PHRF1: variants seen among roughly 807,000 people sequenced by gnomAD.
The protein encoded by PHRF1 is PHD and ring finger domains 1.
A neutral mutation model predicts 128.9 loss-of-function variants in PHRF1; 53 were observed. The observed-to-expected ratio is 0.41, with a 90% CI of 0.33 to 0.52. The LOEUF (loss-of-function observed/expected upper bound fraction) is 0.52, where lower values mean the gene tolerates loss of function less well. Ranked by LOEUF, PHRF1 falls within the 20% of genes least tolerant of loss-of-function variation. PHRF1 has a pLI of 0.21. For missense variants in PHRF1, 2,503 were observed against 2,284.5 expected (o/e 1.10, Z -1.95); for synonymous variants, 1,178 against 980.6 (o/e 1.20, Z -3.76).
chr11:609,561 G>A lies in PHRF1; in HGVS notation c.4105G>A (p.Glu1369Lys), dbSNP rs1196515554. 1.4e-5 allele frequency: 22 copies of A among 1,599,726 alleles called. No individual in the cohort carries two copies. The highest frequency in any genetic ancestry group is 1.9e-5 in the Non-Finnish European group (22 of 1,175,020). ...CCCGGATGTGGCGCCTGCGGGGAAG[G>A]AAGACAGCCCCTCTGCGAGTGGGAG... ...SSPDVAPAGK[E>K]DSPSASGRVQ... Residue 1369 changes from glutamate (E) to lysine (K), a missense_variant, in exon 14 of 18, where the codon GAA becomes AAA. Glu to Lys is a moderately conservative substitution (Grantham distance 56). Coordinates refer to ENST00000264555, the MANE Select transcript of PHRF1 (RefSeq NM_001286581.2).
chr11:585,262 C>A (rs563259330), intron 3 of PHRF1, among the ~76,000 whole-genome samples: 3 of 147,400 alleles, frequency 2.0e-5, no homozygotes, highest in Admixed American at 1.3e-4. Flanking sequence ...GTAGCCCTTT[C>A]CAGCTTGAGG....
intron 17 of PHRF1, among the ~76,000 whole-genome samples, chr11:611,329 C>T (rs1223989879): frequency 6.6e-6 from 1 of 152,188 alleles, no homozygotes; most frequent in Non-Finnish European, 1.5e-5. Context: ...TAAAACTACC[C>T]AGCCCACGCC....
rs766169343 is a variant in PHRF1 at position 582,047 on chromosome 11, G to T, written c.180G>T (p.Gly60=). 1.1e-5 allele frequency: 17 copies of T among 1,604,086 alleles called. No individual in the cohort carries two copies. Among genetic ancestry groups the T allele is most frequent in the Non-Finnish European group, 1.7e-6 (2 of 1,175,598 alleles). ...HGDGTDGEDE[G]ASEEEDLEDR... is the part of the protein sequence containing the mutation. ...ATGGCACAGACGGAGAAGACGAGGGGGCGTCTGAGGAGGAAGACCTGGAAG... is the reference window on the plus strand; with the variant it reads ...ATGGCACAGACGGAGAAGACGAGGGTGCGTCTGAGGAGGAAGACCTGGAAG... The change falls in exon 3 of 18, where the codon GGG becomes GGT. Residue 60 remains glycine (G), a synonymous_variant. Coordinates refer to ENST00000264555, the MANE Select transcript of PHRF1 (RefSeq NM_001286581.2).
intron 9 of PHRF1, among the ~76,000 whole-genome samples, chr11:598,888 G>A (rs771547273): frequency 6.6e-6 from 1 of 152,200 alleles, no homozygotes; most frequent in Non-Finnish European, 1.5e-5. Context: ...CAGTGATTTC[G>A]CATCTTGTCT....
In PHRF1 at chr11:607,718, C is replaced by T; in HGVS notation, c.2262C>T (p.Ser754=). 6.2e-7 allele frequency: 1 copy of T among 1,611,738 alleles called. No homozygotes were observed. Among genetic ancestry groups the T allele is most frequent in the Non-Finnish European group, 8.5e-7 (1 of 1,179,248 alleles). The change falls in exon 14 of 18, where the codon AGC becomes AGT. Residue 754 remains serine (S), a synonymous_variant. Coordinates refer to ENST00000264555, the MANE Select transcript of PHRF1 (RefSeq NM_001286581.2). ...GCAGCTCCCGGCCCCCAGCCCCCAG[C>T]TCCCATGGCAGTTTGGCCCCACTGG... ...HTGSSRPPAP[S]SHGSLAPLGP... is the part of the protein sequence containing the mutation.
At chr11:587,023 C>G (rs1189325658) in intron 3 of PHRF1, among the ~76,000 whole-genome samples, 1 of 152,226 alleles carries the variant, frequency 6.6e-6, no homozygotes, top group Non-Finnish European at 1.5e-5. Flanking sequence ...TCAGGACGCT[C>G]AGCTTCCCGC....
Position 587,343 on chromosome 11 carries a change from A to C in PHRF1, c.299A>C (p.Asn100Thr). 1.2e-6 allele frequency: 2 copies of C among 1,613,812 alleles called. No individual in the cohort carries two copies. Among genetic ancestry groups the C allele is most frequent in the Non-Finnish European group, 1.7e-6 (2 of 1,179,894 alleles). Residue 100 changes from asparagine to threonine, a missense_variant, in exon 4 of 18, where the codon AAT becomes ACT. Physicochemically the swap from Asn to Thr is moderately conservative, Grantham distance 65 (BLOSUM62 0). Transcript: ENST00000264555. ...AAACTGGAAGCCGCTGGCTCTTTCA[A>C]TTCTGATGATGATGCAGAGAGCTGC... is the stretch of plus-strand genomic sequence containing the variant. The part of the protein sequence containing the change: ...QGKLEAAGSF[N>T]SDDDAESCPI...
At chr11:592,379 C>T (rs764719686) in intron 5 of PHRF1, among the ~76,000 whole-genome samples, 180 bp from the exon 6 acceptor site, 1 of 152,236 alleles carries the variant, frequency 6.6e-6, no homozygotes, top group African/African-American at 2.4e-5. Flanking sequence ...GATCACCACC[C>T]TGAGATGGTA....
Position 611,697 on chromosome 11 carries a change from G to T in PHRF1, c.4870G>T (p.Val1624Leu), listed in dbSNP as rs1315887843. 1 of 1,613,038 alleles carries T rather than the reference G, an allele frequency of 6.2e-7. No homozygotes were observed. The highest frequency in any genetic ancestry group is 1.3e-5 in the African/African-American group (1 of 74,952). ...VKVANLVKAY[V>L]DKYRHMRRHK... The stretch of plus-strand genomic sequence containing the variant: ...GGTGGCCAACCTGGTGAAGGCGTAC[G>T]TGGACAAGTACAGGCACATGCGCAG... Residue 1624 changes from valine (V) to leucine (L), a missense_variant, in exon 18 of 18, where the codon GTG (valine) becomes TTG (leucine). By Grantham distance (32) the Val-to-Leu change is conservative. Transcript: ENST00000264555.
Position 596,858 on chromosome 11 carries a change from A to G in PHRF1, c.621-65A>G, listed in dbSNP as rs1049522835. 8 of 1,446,168 alleles carry G rather than the reference A, an allele frequency of 5.5e-6. No homozygotes were observed. The East Asian group carries it at 1.1e-4, about 21-fold the overall frequency. 89.6% of individuals were successfully genotyped at this position (1,446,168 alleles called of 1,614,324 possible). A position where few individuals can be genotyped will look rare whatever the true frequency, so the allele number is the denominator to read the frequency against. On this transcript the variant is annotated intron_variant, in intron 6 of 17. Coordinates refer to ENST00000264555, the MANE Select transcript of PHRF1 (RefSeq NM_001286581.2). ...CGGAGGCCTGCTTTGTGGTCCCCTCACTTGAGGAGGTTTGGGAAAGCTGTG... is the reference window on the plus strand; with the variant it reads ...CGGAGGCCTGCTTTGTGGTCCCCTCGCTTGAGGAGGTTTGGGAAAGCTGTG...
At chr11:593,698 C>T (rs1283338562) in intron 6 of PHRF1, among the ~76,000 whole-genome samples, 1 of 152,236 alleles carries the variant, frequency 6.6e-6, no homozygotes, top group Non-Finnish European at 1.5e-5. Flanking sequence ...TCAGTTCGCC[C>T]TCCTCCTCAT....
intron 12 of PHRF1, among the ~76,000 whole-genome samples, chr11:606,102 A>G (rs759378323): frequency 6.6e-6 from 1 of 152,260 alleles, no homozygotes; most frequent in Non-Finnish European, 1.5e-5. Flanking sequence ...ACAAGAACAA[A>G]AAATTAACCA....
intron 6 of PHRF1, among the ~76,000 whole-genome samples, 194 bp from the exon 7 acceptor site, chr11:596,729 G>C (rs1263298114): frequency 6.6e-6 from 1 of 152,170 alleles, no homozygotes; most frequent in African/African-American, 2.4e-5. Context: ...AACCTTAAAG[G>C]TTCCATGTCT....
chr11:596,930 A>G lies in PHRF1; in HGVS notation c.628A>G (p.Met210Val). The change falls in exon 7 of 18, where the codon ATG (methionine) becomes GTG (valine). Residue 210 changes from methionine (M) to valine (V), a missense_variant. Physicochemically the swap from Met to Val is conservative, Grantham distance 21. Transcript: ENST00000264555. Reference protein sequence around the residue: ...LCDGCDAGYHMECLDPPLQEV... With the variant: ...LCDGCDAGYHVECLDPPLQEV... ...CCCTGCTCTCTCCTGTAGGTACCACATGGAATGCTTGGACCCCCCTCTCCA... is the reference window on the plus strand; with the variant it reads ...CCCTGCTCTCTCCTGTAGGTACCACGTGGAATGCTTGGACCCCCCTCTCCA... The G allele has an allele frequency of 6.2e-7, 1 of 1,613,780 alleles. No individual in the cohort carries two copies. Among genetic ancestry groups the G allele is most frequent in the Non-Finnish European group, 8.5e-7 (1 of 1,179,824 alleles).
Position 607,001 on chromosome 11 carries a change from T to A in PHRF1, c.1610-65T>A, listed in dbSNP as rs142180184. On this transcript the variant is annotated intron_variant, in intron 13 of 17. Transcript: ENST00000264555. ...CACAGAAAACCAGTTGTGATAAAAA[T>A]TAAACCACTGACATTTAAGAAGAGT... 1.1e-5 allele frequency: 17 copies of A among 1,514,732 alleles called. 1 individual carries two copies. The African/African-American group carries it at 1.5e-4, about 14-fold the overall frequency. The allele number at this position is 1,514,732 out of a possible 1,614,324, so 93.8% of individuals were successfully genotyped here.
intron 3 of PHRF1, among the ~76,000 whole-genome samples, chr11:584,444 G>A (rs1854403493): frequency 6.6e-6 from 1 of 152,206 alleles, no homozygotes; most frequent in Admixed American, 6.5e-5. Flanking sequence ...AGCAGCAGCT[G>A]GGGGACAGGG....
chr11:587,222 C>G, intron 3 of PHRF1, 37 bp from the exon 4 acceptor site: 1 of 1,601,810 alleles, frequency 6.2e-7, no homozygotes, highest in Non-Finnish European at 8.5e-7. Flanking sequence ...TCACGCTGCC[C>G]ATCCTGCTTG....
chr11:606,906 C>G, intron 13 of PHRF1, 160 bp from the exon 14 acceptor site: 1 of 1,225,190 alleles, frequency 8.2e-7, no homozygotes. Flanking sequence ...GCTGTTGAAG[C>G]AGCTCTCCGG....
chr11:593,243 C>A (rs148825912), intron 6 of PHRF1, among the ~76,000 whole-genome samples: 6 of 152,240 alleles, frequency 3.9e-5, no homozygotes, highest in Non-Finnish European at 7.3e-5. Flanking sequence ...TAGCCTCCTG[C>A]GAGGGGCTTT....
Sources: gnomAD v4.1 joint callset for allele counts (sites outside exome capture counted in the v4.1 genomes callset) on GRCh38, gnomAD v4.1.1 for gene constraint, MANE v1.5 for transcripts, NCBI Gene and HGNC (gene_info 2026-07-23, HGNC 2026-07-21) for gene names.